The following NUDCD3 variants were observed in gnomAD, a reference collection of about 807,000 sequenced individuals.
NUDCD3 encodes the protein nudC domain-containing protein 3.
In NUDCD3, 13 loss-of-function variants were observed where a neutral mutation model predicts 39.7. The ratio of observed to expected loss-of-function variants is 0.33; its 90% CI spans 0.21 to 0.52. The LOEUF (loss-of-function observed/expected upper bound fraction) is 0.52, where lower values mean the gene tolerates loss of function less well. Ranked by LOEUF, NUDCD3 falls within the 20% of genes least tolerant of loss-of-function variation. NUDCD3 has a pLI of 0.96. For synonymous variants in NUDCD3, 175 were observed against 172.4 expected, an observed-to-expected ratio of 1.02 and a Z score of -0.12; for missense variants, 453 against 458.1, an observed-to-expected ratio of 0.99 and a Z score of 0.10.
At chr7:44,386,826 T>C (rs1217672564) in intron 5 of NUDCD3, among the ~76,000 whole-genome samples, 3 of 152,282 alleles carry the variant, frequency 2.0e-5, no homozygotes, top group Non-Finnish European at 2.9e-5. Flanking sequence ...TGTGTGGCCA[T>C]GGCAGGGGAC....
chr7:44,465,785 A>C (rs983123137), intron 2 of NUDCD3, among the ~76,000 whole-genome samples: 7 of 152,012 alleles, frequency 4.6e-5, no homozygotes, highest in African/African-American at 1.7e-4. Flanking sequence ...TCTACTATAC[A>C]CCCCACCGTA....
At chr7:44,453,308 G>T (rs941458664) in intron 2 of NUDCD3, among the ~76,000 whole-genome samples, 1 of 152,032 alleles carries the variant, frequency 6.6e-6, no homozygotes, top group East Asian at 1.9e-4. Context: ...AGCCAAGATT[G>T]TGCCACTGCA....
Position 44,485,042 on chromosome 7 carries a change from A to T in NUDCD3, c.435T>A (p.Gly145=), listed in dbSNP as rs755530160. The change falls in exon 2 of 6, where the codon GGT becomes GGA. Residue 145 remains glycine (G), a synonymous_variant. Transcript: ENST00000355451. ...CTCCTGGAGCTTCTGCCTCCTGTGAACCATGGGCCATTTCCTTCACAGGGC... is the reference window on the plus strand; with the variant it reads ...CTCCTGGAGCTTCTGCCTCCTGTGATCCATGGGCCATTTCCTTCACAGGGC... ...PPGPVKEMAH[G]SQEAEAPGAV... 1.9e-6 allele frequency: 3 copies of T among 1,614,200 alleles called. No individual in the cohort carries two copies. Among genetic ancestry groups the T allele is most frequent in the South Asian group, 1.1e-5 (1 of 91,082 alleles).
chr7:44,456,183 T>G (rs2116942540), intron 2 of NUDCD3, among the ~76,000 whole-genome samples: 1 of 148,628 alleles, frequency 6.7e-6, no homozygotes, highest in South Asian at 2.1e-4. Flanking sequence ...CATGTGTGGG[T>G]TTTCCCCACA....
intron 3 of NUDCD3, among the ~76,000 whole-genome samples, chr7:44,424,923 A>C (rs1451795978): frequency 1.3e-5 from 2 of 152,256 alleles, no homozygotes; most frequent in African/African-American, 4.8e-5. Flanking sequence ...CTGGATAAAG[A>C]AAATGTAGCA....
At position 44,490,625 on chromosome 7, in the gene NUDCD3, TCA is replaced by T; in HGVS notation, c.-27_-26del. 1 of 1,581,832 alleles carries T rather than the reference TCA, an allele frequency of 6.3e-7. No homozygotes were observed. The highest frequency in any genetic ancestry group is 8.6e-7 in the Non-Finnish European group (1 of 1,164,632). On this transcript the variant is annotated 5_prime_UTR_variant, in exon 1 of 6. Transcript: ENST00000355451. ...TGTCGCCTCCCGCCCTAGGTACGCT[TCA>T]CACACACAGCGCCGCCTCAGACCTG...
chr7:44,391,096 C>T (rs1383352935), intron 5 of NUDCD3, among the ~76,000 whole-genome samples: 1 of 152,158 alleles, frequency 6.6e-6, no homozygotes, highest in Non-Finnish European at 1.5e-5. Context: ...ATCCCTGCTG[C>T]CTAAGCTACT....
chr7:44,385,823 G>T lies in NUDCD3; in HGVS notation c.*188C>A. 1 of 585,278 alleles carries T rather than the reference G, an allele frequency of 1.7e-6. No homozygotes were observed. Among genetic ancestry groups the T allele is most frequent in the Non-Finnish European group, 3.1e-6 (1 of 327,778 alleles). The allele number at this position is 585,278 out of a possible 1,614,324, so 36.3% of individuals were successfully genotyped here. A position where few individuals can be genotyped will look rare whatever the true frequency, so the allele number is the denominator to read the frequency against. ...CACAGCGGCCACCACATAGCAGCTGGCCCCGCACCTTCTCTGGAACAGTCT... is the reference window on the plus strand; with the variant it reads ...CACAGCGGCCACCACATAGCAGCTGTCCCCGCACCTTCTCTGGAACAGTCT... On this transcript the variant is annotated 3_prime_UTR_variant, in exon 6 of 6. Coordinates refer to ENST00000355451, the MANE Select transcript of NUDCD3 (RefSeq NM_015332.4).
At chr7:44,391,228 G>A (rs898178627) in intron 5 of NUDCD3, among the ~76,000 whole-genome samples, 1 of 152,182 alleles carries the variant, frequency 6.6e-6, no homozygotes, top group African/African-American at 2.4e-5. Flanking sequence ...CACCTTAACT[G>A]TGTGTACTAA....
chr7:44,413,412 G>A (rs1798966573), intron 3 of NUDCD3: 1 of 152,124 alleles, frequency 6.6e-6, no homozygotes. Context: ...TGGGAAAACA[G>A]ATCTGCAATA....
intron 5 of NUDCD3, among the ~76,000 whole-genome samples, chr7:44,389,642 A>G (rs1798471867): frequency 6.6e-6 from 1 of 152,248 alleles, no homozygotes; most frequent in Non-Finnish European, 1.5e-5. Context: ...TGGAGAAGGT[A>G]AGATTAAAAT....
Position 44,380,666 on chromosome 7 carries a change from T to G in NUDCD3, c.*5345A>C, listed in dbSNP as rs1798291231. 1 of 152,360 alleles carries G rather than the reference T, an allele frequency of 6.6e-6. No individual in the cohort carries two copies. The highest frequency in any genetic ancestry group is 1.5e-5 in the Non-Finnish European group (1 of 68,052). 9.4% of individuals were successfully genotyped at this position (152,360 alleles called of 1,614,324 possible). ...CCACAAGCAATCACTGTTGAGTTCATGAACTCTCAGGCTGGAGCTCAGCAG... is the reference window on the plus strand; with the variant it reads ...CCACAAGCAATCACTGTTGAGTTCAGGAACTCTCAGGCTGGAGCTCAGCAG... On this transcript the variant is annotated 3_prime_UTR_variant, in exon 6 of 6. Transcript: ENST00000355451.
At position 44,380,448 on chromosome 7, in the gene NUDCD3, T is replaced by C. The variant is rs2116846938; in HGVS notation, c.*5563A>G. ...TTGCATTACCAAAAGAGGTGGTCAC[T>C]CAGGGGTGCTGGAATCTTCCCCACC... On this transcript the variant is annotated 3_prime_UTR_variant, in exon 6 of 6. Coordinates refer to ENST00000355451, the MANE Select transcript of NUDCD3 (RefSeq NM_015332.4). 1 of 152,342 alleles carries C rather than the reference T, an allele frequency of 6.6e-6. No homozygotes were observed. The highest frequency in any genetic ancestry group is 2.1e-4 in the South Asian group (1 of 4,824). The allele number at this position is 152,342 out of a possible 1,614,324, so 9.4% of individuals were successfully genotyped here. A position where few individuals can be genotyped will look rare whatever the true frequency, so the allele number is the denominator to read the frequency against.
intron 2 of NUDCD3, among the ~76,000 whole-genome samples, chr7:44,446,525 T>C (rs1799692801): frequency 6.6e-6 from 1 of 152,246 alleles, no homozygotes; most frequent in Non-Finnish European, 1.5e-5. Flanking sequence ...CTTCTGCATA[T>C]AAATGGGCCA....
Position 44,477,981 on chromosome 7 carries a change from G to A in NUDCD3, c.509+6987C>T, listed in dbSNP as rs541246897. ...CCTGTGTAGCTGAGATTACAGGCACGCACCACCACACCTGGTTAATTTTTT... is the reference window on the plus strand; with the variant it reads ...CCTGTGTAGCTGAGATTACAGGCACACACCACCACACCTGGTTAATTTTTT... On this transcript the variant is annotated intron_variant, in intron 2 of 5. Transcript: ENST00000355451. Among the ~76,000 whole-genome samples the A allele has an allele frequency of 1.1e-4, 16 of 151,934 alleles. No individual in the cohort carries two copies. In the South Asian group the frequency reaches 3.3e-3, roughly 32 times the overall value.
chr7:44,426,105 G>C (rs559592762), intron 3 of NUDCD3: 1 of 985,084 alleles, frequency 1.0e-6, no homozygotes, highest in Admixed American at 6.1e-5. Context: ...TGGGTTCTTT[G>C]CTTTGCCTCT....
intron 5 of NUDCD3, among the ~76,000 whole-genome samples, 191 bp from the exon 6 acceptor site, chr7:44,386,312 T>C (rs956976895): frequency 6.6e-6 from 1 of 152,174 alleles, no homozygotes; most frequent in Non-Finnish European, 1.5e-5. Context: ...ACTGGGTGCC[T>C]GCCAATTTCT....
intron 2 of NUDCD3, among the ~76,000 whole-genome samples, chr7:44,475,265 C>T (rs1164643565): frequency 2.6e-5 from 4 of 152,142 alleles, no homozygotes; most frequent in Admixed American, 2.6e-4. Flanking sequence ...GCATGCACCA[C>T]CACACTCAGC....
At chr7:44,459,763 T>C (rs892333664) in intron 2 of NUDCD3, among the ~76,000 whole-genome samples, 8 of 152,322 alleles carry the variant, frequency 5.3e-5, no homozygotes, top group African/African-American at 1.9e-4. Flanking sequence ...ACATGAGATT[T>C]GTATATAATT....
Sources: allele counts gnomAD v4.1 joint callset (sites outside exome capture counted in the v4.1 genomes callset), GRCh38; gene constraint gnomAD v4.1.1; transcripts MANE v1.5; gene names NCBI Gene and HGNC (gene_info 2026-07-23, HGNC 2026-07-21).